Variants in MLLT3 observed in about 807,000 individuals in gnomAD.
MLLT3 encodes MLLT3 super elongation complex subunit.
In MLLT3, 4 loss-of-function variants were observed where a neutral mutation model predicts 53.2. The ratio of observed to expected loss-of-function variants is 0.08; its 90% CI spans 0.04 to 0.17. MLLT3 has a LOEUF of 0.17. Ranked by LOEUF, MLLT3 falls within the 10% of genes least tolerant of loss-of-function variation. The pLI is 1.00. For missense variants in MLLT3, 569 were observed against 684.0 expected (o/e 0.83, Z 1.87); for synonymous variants, 283 against 230.6 (o/e 1.23, Z -2.06).
At chr9:20,564,072 A>T (rs1819287072) in intron 2 of MLLT3, among the ~76,000 whole-genome samples, 1 of 152,194 alleles carries the variant, frequency 6.6e-6, no homozygotes, top group Non-Finnish European at 1.5e-5. Flanking sequence ...TTAGCCAAAT[A>T]TTCTAATCTG....
chr9:20,582,188 G>A (rs910922456), intron 2 of MLLT3, among the ~76,000 whole-genome samples: 1 of 152,018 alleles, frequency 6.6e-6, no homozygotes, highest in Non-Finnish European at 1.5e-5. Flanking sequence ...ATCTTGCATT[G>A]GGGTGGTACA....
chr9:20,595,006 T>C (rs1292449962), intron 2 of MLLT3, among the ~76,000 whole-genome samples: 1 of 152,102 alleles, frequency 6.6e-6, no homozygotes, highest in African/African-American at 2.4e-5. Context: ...GGAGTAGCCA[T>C]TCTTTTGTTT....
chr9:20,432,032 G>C (rs561821234), intron 4 of MLLT3, among the ~76,000 whole-genome samples: 5 of 152,214 alleles, frequency 3.3e-5, no homozygotes, highest in Non-Finnish European at 5.9e-5. Flanking sequence ...GGCATATACA[G>C]ATAGTTAGAG....
At position 20,365,728 on chromosome 9, in the gene MLLT3, G is replaced by A; in HGVS notation, c.1142C>T (p.Pro381Leu). 6.2e-7 allele frequency: 1 copy of A among 1,614,184 alleles called. No homozygotes were observed. ...GCTGGAGCTGGAGCTGGAGCTGGCA[G>A]GACTGGGTTGTTCAGACTTTAAAGA... ...SSKSDSEQPSPASSSSSSSSS... is the reference protein window; with the variant it reads ...SSKSDSEQPSLASSSSSSSSS... The change falls in exon 6 of 11, where the codon CCT becomes CTT. Residue 381 changes from proline to leucine, a missense_variant. By Grantham distance (98) the Pro-to-Leu change is moderately conservative. Around this residue, in one of 5 missense-constraint regions of MLLT3, gnomAD observed 437 missense variants for 376.5 expected, o/e 1.16. Coordinates refer to ENST00000380338, the MANE Select transcript of MLLT3 (RefSeq NM_004529.4).
At chr9:20,444,476 A>T (rs1823640198) in intron 4 of MLLT3, among the ~76,000 whole-genome samples, 1 of 152,096 alleles carries the variant, frequency 6.6e-6, no homozygotes, top group Non-Finnish European at 1.5e-5. Flanking sequence ...TAATATAATA[A>T]CATACAAAAA....
intron 2 of MLLT3, among the ~76,000 whole-genome samples, chr9:20,582,926 T>TC (rs1361609690): frequency 2.0e-5 from 3 of 152,122 alleles, no homozygotes; most frequent in Admixed American, 6.6e-5. Context: ...AATCTCATGT[T>TC]CTCACATTTT....
chr9:20,525,735 T>G (rs1416900225), intron 2 of MLLT3, among the ~76,000 whole-genome samples: 1 of 152,208 alleles, frequency 6.6e-6, no homozygotes, highest in Non-Finnish European at 1.5e-5. Context: ...ACAACCTTGT[T>G]GCTGTAAGAT....
At chr9:20,567,613 C>T (rs142877345) in intron 2 of MLLT3, among the ~76,000 whole-genome samples, 9 of 152,208 alleles carry the variant, frequency 5.9e-5, no homozygotes, top group African/African-American at 2.2e-4. Context: ...CAAGATTTGG[C>T]ACAAGAAACT....
At chr9:20,416,091 T>C (rs1243157603) in intron 4 of MLLT3, among the ~76,000 whole-genome samples, 1 of 151,978 alleles carries the variant, frequency 6.6e-6, no homozygotes, top group Non-Finnish European at 1.5e-5. Flanking sequence ...TTACTAAAAT[T>C]TCATTATTTT....
chr9:20,552,749 C>T (rs1048211084), intron 2 of MLLT3, among the ~76,000 whole-genome samples: 4 of 152,012 alleles, frequency 2.6e-5, no homozygotes, highest in African/African-American at 9.7e-5. Context: ...CTTAGATTTA[C>T]TTAGGAAATA....
intron 2 of MLLT3, among the ~76,000 whole-genome samples, chr9:20,556,209 T>C (rs1819053658): frequency 6.6e-6 from 1 of 152,230 alleles, no homozygotes; most frequent in Non-Finnish European, 1.5e-5. Context: ...AATATAATCA[T>C]GTTATTTTGA....
At chr9:20,442,714 C>T (rs746442848) in intron 4 of MLLT3, among the ~76,000 whole-genome samples, 3 of 152,136 alleles carry the variant, frequency 2.0e-5, no homozygotes, top group Non-Finnish European at 2.9e-5. Context: ...AAACCCCTCG[C>T]TGGAGGTCCA....
intron 2 of MLLT3, among the ~76,000 whole-genome samples, chr9:20,593,553 A>T (rs909514331): frequency 4.6e-5 from 7 of 152,224 alleles, no homozygotes; most frequent in Non-Finnish European, 8.8e-5. Context: ...AAAATAGGAC[A>T]CTGGAGAGAG....
chr9:20,463,838 A>C (rs1824170866), intron 2 of MLLT3, among the ~76,000 whole-genome samples: 1 of 152,146 alleles, frequency 6.6e-6, no homozygotes, highest in Non-Finnish European at 1.5e-5. Flanking sequence ...CATATTTCAG[A>C]AAGTCCATCT....
At chr9:20,600,600 T>C (rs1204911932) in intron 2 of MLLT3, among the ~76,000 whole-genome samples, 1 of 152,256 alleles carries the variant, frequency 6.6e-6, no homozygotes, top group Non-Finnish European at 1.5e-5. Flanking sequence ...GGAACCCACC[T>C]TGAAATCCAA....
intron 5 of MLLT3, among the ~76,000 whole-genome samples, chr9:20,403,533 G>A (rs1822507149): frequency 6.6e-6 from 1 of 152,154 alleles, no homozygotes; most frequent in African/African-American, 2.4e-5. Context: ...TTAAAGGGGA[G>A]GAAGTGACTT....
intron 2 of MLLT3, among the ~76,000 whole-genome samples, chr9:20,481,351 T>A (rs1175066278): frequency 6.6e-6 from 1 of 152,182 alleles, no homozygotes; most frequent in African/African-American, 2.4e-5. Flanking sequence ...CCTATTTTCC[T>A]CAGGAACCTG....
intron 2 of MLLT3, among the ~76,000 whole-genome samples, chr9:20,583,475 T>C (rs1819860569): frequency 6.6e-6 from 1 of 152,152 alleles, no homozygotes; most frequent in African/African-American, 2.4e-5. Context: ...CGACCCCACA[T>C]TTCTCTTCCA....
intron 10 of MLLT3, among the ~76,000 whole-genome samples, chr9:20,350,744 G>A (rs77225929): frequency 0.02 from 2,993 of 152,154 alleles, 106 homozygotes; most frequent in African/African-American, 0.065. Flanking sequence ...CCTTTCAAGC[G>A]GTACTACGCA....
Sources: allele counts gnomAD v4.1 joint callset (sites outside exome capture counted in the v4.1 genomes callset), GRCh38; gene constraint gnomAD v4.1.1; regional missense constraint gnomAD v4.1.1; transcripts MANE v1.5; gene names NCBI Gene and HGNC (gene_info 2026-07-23, HGNC 2026-07-21).